CSMD1: variants seen among roughly 807,000 people sequenced by gnomAD.
The protein encoded by CSMD1 is CUB and Sushi multiple domains 1, also known as CUB and sushi domain-containing protein 1.
A neutral mutation model predicts 417.5 loss-of-function variants in CSMD1; 213 were observed. That is an observed-to-expected ratio of 0.51 (90% confidence interval 0.46 to 0.57). The LOEUF (loss-of-function observed/expected upper bound fraction) is 0.57, where lower values mean the gene tolerates loss of function less well. Among genes scored for constraint, CSMD1 ranks in the 20% least tolerant of loss-of-function variants. The probability of loss-of-function intolerance (pLI) is 0.00; values close to 1 mark genes in which losing one functional copy is unlikely to be tolerated. For synonymous variants in CSMD1, 2,862 were observed against 1,736.8 expected, an observed-to-expected ratio of 1.65 and a Z score of -16.11; for missense variants, 6,923 against 4,529.7, an observed-to-expected ratio of 1.53 and a Z score of -15.17.
chr8:3,435,228 G>C (rs1814473605), intron 12 of CSMD1, among the ~76,000 whole-genome samples: 1 of 152,014 alleles, frequency 6.6e-6, no homozygotes, highest in African/African-American at 2.4e-5. Flanking sequence ...AGAGCTCCCT[G>C]GGAAAGAAAA....
At chr8:4,788,036 C>G in intron 1 of CSMD1, 1 of 1,591,208 alleles carries the variant, frequency 6.3e-7, no homozygotes, top group Non-Finnish European at 8.6e-7. Flanking sequence ...CTGAAGGGCT[C>G]CAAATGGTAA....
At chr8:3,929,214 C>G (rs1445632490) in intron 5 of CSMD1, among the ~76,000 whole-genome samples, 1 of 150,348 alleles carries the variant, frequency 6.7e-6, no homozygotes, top group Non-Finnish European at 1.5e-5. Context: ...CACATGGTTT[C>G]TCTTACATAA....
At chr8:4,822,601 A>G (rs1003433617) in intron 1 of CSMD1, among the ~76,000 whole-genome samples, 2 of 151,988 alleles carry the variant, frequency 1.3e-5, no homozygotes, top group Admixed American at 1.3e-4. Context: ...ATTTTTAGCA[A>G]TTTTTACATT....
chr8:4,374,156 C>T (rs1390983528), intron 3 of CSMD1, among the ~76,000 whole-genome samples: 2 of 152,148 alleles, frequency 1.3e-5, no homozygotes, highest in African/African-American at 4.8e-5. Context: ...CGTCCTTACC[C>T]TCCCCTTTTA....
chr8:3,350,287 T>G (rs1051437801), intron 21 of CSMD1, among the ~76,000 whole-genome samples: 1 of 148,742 alleles, frequency 6.7e-6, no homozygotes, highest in African/African-American at 2.5e-5. Context: ...CTTGTGTATG[T>G]GTGTGTTATA....
At chr8:4,704,803 A>G (rs1175593307) in intron 1 of CSMD1, among the ~76,000 whole-genome samples, 1 of 152,166 alleles carries the variant, frequency 6.6e-6, no homozygotes, top group Non-Finnish European at 1.5e-5. Context: ...AACCAGCCTG[A>G]GTGAGCTTGG....
intron 3 of CSMD1, among the ~76,000 whole-genome samples, chr8:4,047,381 T>C (rs978342733): frequency 1.3e-5 from 2 of 152,144 alleles, no homozygotes; most frequent in Non-Finnish European, 2.9e-5. Context: ...ATAGGAACAA[T>C]CTTGGAAACT....
chr8:3,293,236 T>C (rs1803712029), intron 25 of CSMD1, among the ~76,000 whole-genome samples: 1 of 152,216 alleles, frequency 6.6e-6, no homozygotes, highest in Non-Finnish European at 1.5e-5. Context: ...TAACCGGACC[T>C]TTCTCTCTGG....
intron 29 of CSMD1, among the ~76,000 whole-genome samples, chr8:3,217,406 C>G (rs569363902): frequency 2.4e-4 from 36 of 152,308 alleles, no homozygotes; most frequent in African/African-American, 8.4e-4. Context: ...TTCATTCATT[C>G]GTTGGCCCAT....
chr8:4,611,338 G>T (rs918790861), intron 2 of CSMD1, among the ~76,000 whole-genome samples: 1 of 152,136 alleles, frequency 6.6e-6, no homozygotes, highest in African/African-American at 2.4e-5. Context: ...ACTACACAAA[G>T]CTCACTTCAT....
At chr8:3,667,831 A>T (rs866517816) in intron 7 of CSMD1, among the ~76,000 whole-genome samples, 2 of 152,344 alleles carry the variant, frequency 1.3e-5, no homozygotes, top group Middle Eastern at 3.4e-3. Context: ...AACAGCAGGC[A>T]TCCTGGAGTG....
intron 10 of CSMD1, among the ~76,000 whole-genome samples, chr8:3,559,430 T>C (rs577653326): frequency 3.0e-4 from 45 of 152,274 alleles, no homozygotes; most frequent in African/African-American, 9.6e-4. Context: ...ATACGCAACA[T>C]ATTGTAACGT....
chr8:3,767,259 A>G (rs1017413496), intron 5 of CSMD1, among the ~76,000 whole-genome samples: 29 of 152,262 alleles, frequency 1.9e-4, no homozygotes, highest in African/African-American at 7.0e-4. Flanking sequence ...TTTTATGAAA[A>G]CCAGCCGCCT....
intron 2 of CSMD1, among the ~76,000 whole-genome samples, chr8:4,571,100 G>A (rs529596283): frequency 6.6e-6 from 1 of 152,016 alleles, no homozygotes; most frequent in Non-Finnish European, 1.5e-5. Context: ...TCAGCTCCTG[G>A]ATTCACTGAG....
intron 3 of CSMD1, among the ~76,000 whole-genome samples, chr8:4,317,512 G>A (rs764674738): frequency 6.6e-6 from 1 of 152,174 alleles, no homozygotes; most frequent in Non-Finnish European, 1.5e-5. Context: ...GCTAAGGTAA[G>A]TGACTTTTCT....
intron 3 of CSMD1, among the ~76,000 whole-genome samples, chr8:4,208,615 A>C (rs1800118994): frequency 1.3e-5 from 2 of 152,340 alleles, no homozygotes; most frequent in South Asian, 4.1e-4. Flanking sequence ...AAATGAATAT[A>C]GAGTCATAAA....
chr8:4,241,838 G>C (rs1022831435), intron 3 of CSMD1, among the ~76,000 whole-genome samples: 1 of 151,988 alleles, frequency 6.6e-6, no homozygotes, highest in African/African-American at 2.4e-5. Flanking sequence ...AGCCTCCCAA[G>C]TATGGGGTGA....
intron 3 of CSMD1, among the ~76,000 whole-genome samples, chr8:4,268,176 A>T (rs1804339486): frequency 6.6e-6 from 1 of 152,136 alleles, no homozygotes; most frequent in African/African-American, 2.4e-5. Context: ...CTTAATTTGG[A>T]CTCTGTATCA....
chr8:3,187,404 G>C (rs887139372), intron 36 of CSMD1, among the ~76,000 whole-genome samples: 2 of 152,190 alleles, frequency 1.3e-5, no homozygotes, highest in African/African-American at 2.4e-5. Context: ...GGAAGACTAA[G>C]AGAGGGTGGA....
Sources: gnomAD v4.1 joint callset for allele counts (sites outside exome capture counted in the v4.1 genomes callset) on GRCh38, gnomAD v4.1.1 for gene constraint, MANE v1.5 for transcripts, NCBI Gene and HGNC (gene_info 2026-07-23, HGNC 2026-07-21) for gene names.